The following WARS2 variants were observed in gnomAD, a reference collection of about 807,000 sequenced individuals.
WARS2 encodes the protein tryptophanyl tRNA synthetase 2, mitochondrial.
WARS2 carries 28 observed loss-of-function variants against 36.5 expected under a neutral mutation model. That is an observed-to-expected ratio of 0.77 (90% CI 0.57 to 1.05). The LOEUF (loss-of-function observed/expected upper bound fraction) is 1.05. WARS2 is among the 50% of genes least tolerant of loss of function. The pLI is 0.00. For synonymous variants in WARS2, 174 were observed against 178.4 expected (o/e 0.98, Z 0.20); for missense variants, 435 against 456.8 (o/e 0.95, Z 0.44).
chr1:119,034,632 C>T (rs1647716786), intron 4 of WARS2, among the ~76,000 whole-genome samples: 1 of 152,158 alleles, frequency 6.6e-6, no homozygotes, highest in Non-Finnish European at 1.5e-5. Context: ...CACCCCACCC[C>T]ACTCTTCAAA....
chr1:119,124,322 G>A (rs1007054914), intron 1 of WARS2, among the ~76,000 whole-genome samples: 6 of 151,988 alleles, frequency 3.9e-5, no homozygotes, highest in African/African-American at 1.5e-4. Context: ...GTGAAACCCT[G>A]TCTCTACTAA....
intron 4 of WARS2, among the ~76,000 whole-genome samples, chr1:119,035,388 T>G (rs1244581192): frequency 6.6e-6 from 1 of 152,164 alleles, no homozygotes; most frequent in African/African-American, 2.4e-5. Flanking sequence ...TTTCTAAGCC[T>G]TCGTTTCCTC....
intron 1 of WARS2, among the ~76,000 whole-genome samples, chr1:119,131,626 C>T (rs894212380): frequency 1.3e-5 from 2 of 152,026 alleles, no homozygotes; most frequent in African/African-American, 2.4e-5. Context: ...CCACGCCCGG[C>T]TAATTTGTTT....
At chr1:119,069,432 G>C (rs1651129369) in intron 2 of WARS2, among the ~76,000 whole-genome samples, 1 of 151,928 alleles carries the variant, frequency 6.6e-6, no homozygotes, top group Non-Finnish European at 1.5e-5. Flanking sequence ...CCAGTATAAA[G>C]GAAATAGCAA....
rs1553241795 is a variant in WARS2 at position 119,076,564 on chromosome 1, C to A, written c.134G>T (p.Gly45Val). Residue 45 changes from glycine to valine, a missense_variant, in exon 2 of 6, where the codon GGA becomes GTA. By Grantham distance (109) the Gly-to-Val change is moderately radical. Coordinates refer to ENST00000235521, the MANE Select transcript of WARS2 (RefSeq NM_015836.4). ...KRVFSGIQPTGILHLGNYLGA... is the reference protein window; with the variant it reads ...KRVFSGIQPTVILHLGNYLGA... ...CAGGTAATTGCCCAGGTGGAGGATTCCTGTAGGTTGAATGCCGGAAAATAC... is the reference window on the plus strand; with the variant it reads ...CAGGTAATTGCCCAGGTGGAGGATTACTGTAGGTTGAATGCCGGAAAATAC... 1 of 1,614,122 alleles carries A rather than the reference C, an allele frequency of 6.2e-7. No individual in the cohort carries two copies. Among genetic ancestry groups the A allele is most frequent in the Non-Finnish European group, 8.5e-7 (1 of 1,180,020 alleles).
intron 2 of WARS2, among the ~76,000 whole-genome samples, chr1:119,066,626 C>A (rs1322732528): frequency 6.6e-6 from 1 of 151,596 alleles, no homozygotes; most frequent in African/African-American, 2.4e-5. Flanking sequence ...GCAAACAATT[C>A]ACAAAAGAAA....
chr1:119,108,226 C>T (rs895471578), intron 1 of WARS2, among the ~76,000 whole-genome samples: 4 of 152,024 alleles, frequency 2.6e-5, no homozygotes, highest in African/African-American at 9.7e-5. Context: ...ATTCCCTCTG[C>T]TTCTATCTTC....
chr1:119,047,823 T>C (rs1222687795), intron 2 of WARS2, among the ~76,000 whole-genome samples: 1 of 152,228 alleles, frequency 6.6e-6, no homozygotes, highest in Admixed American at 6.5e-5. Flanking sequence ...AACAAAGGCA[T>C]GGACAATAAA....
intron 1 of WARS2, among the ~76,000 whole-genome samples, chr1:119,079,973 G>A (rs1391937596): frequency 6.6e-6 from 1 of 151,896 alleles, no homozygotes; most frequent in Non-Finnish European, 1.5e-5. Flanking sequence ...TGAGAATTGA[G>A]AGAGAGAGAG....
In WARS2 at chr1:119,066,199, T is replaced by C. The variant is rs548999197; in HGVS notation, c.348+10151A>G. Among the ~76,000 whole-genome samples the C allele has an allele frequency of 5.9e-4, 90 of 151,868 alleles. 1 individual carries two copies. The South Asian group carries it at 9.1e-3, about 15-fold the overall frequency. ...AAAATTAAAAGACAAGCTACAAGGCTGGGTGCGGTGGCTCACGCCTGTAAT... is the reference window on the plus strand; with the variant it reads ...AAAATTAAAAGACAAGCTACAAGGCCGGGTGCGGTGGCTCACGCCTGTAAT... On this transcript the variant is annotated intron_variant, in intron 2 of 5. Transcript: ENST00000235521.
chr1:119,109,355 T>C (rs893217513), intron 1 of WARS2, among the ~76,000 whole-genome samples: 2 of 151,972 alleles, frequency 1.3e-5, no homozygotes, highest in East Asian at 3.8e-4. Context: ...TTTTGCCTCG[T>C]GTATTTTTAC....
intron 1 of WARS2, among the ~76,000 whole-genome samples, chr1:119,137,470 A>C (rs920715219): frequency 6.6e-6 from 1 of 152,244 alleles, no homozygotes; most frequent in Non-Finnish European, 1.5e-5. Flanking sequence ...GTTCAACTGC[A>C]ATAAAATGTG....
intron 1 of WARS2, among the ~76,000 whole-genome samples, chr1:119,114,037 AC>A (rs1215223342): frequency 6.6e-6 from 1 of 152,172 alleles, no homozygotes; most frequent in African/African-American, 2.4e-5. Flanking sequence ...TTCTTTATAT[AC>A]CTTACTTAGC....
At chr1:119,058,888 A>T (rs1473338535) in intron 2 of WARS2, among the ~76,000 whole-genome samples, 1 of 149,830 alleles carries the variant, frequency 6.7e-6, no homozygotes, top group East Asian at 1.9e-4. Context: ...CGCCACACTG[A>T]CTTCCACAAT....
chr1:119,042,308 C>T lies in WARS2; in HGVS notation c.471G>A (p.Leu157=). ...TKQKHDGTVG[L]LTYPVLQAAD... Reference sequence around the variant, plus strand: ...CTGCCTGGAGTACTGGGTATGTGAGCAGGCCCACCGTGCCATCGTGCTTCT... The same window carrying T: ...CTGCCTGGAGTACTGGGTATGTGAGTAGGCCCACCGTGCCATCGTGCTTCT... Residue 157 remains leucine, a synonymous_variant, in exon 4 of 6, where the codon CTG becomes CTA. Coordinates refer to ENST00000235521, the MANE Select transcript of WARS2 (RefSeq NM_015836.4). 6.2e-7 allele frequency: 1 copy of T among 1,613,766 alleles called. No homozygotes were observed. The highest frequency in any genetic ancestry group is 8.5e-7 in the Non-Finnish European group (1 of 1,179,870).
chr1:119,055,715 GAGA>G (rs903726149), intron 2 of WARS2, among the ~76,000 whole-genome samples: 3 of 150,422 alleles, frequency 2.0e-5, no homozygotes, highest in Non-Finnish European at 4.4e-5. Context: ...AGAAGAGAGA[GAGA>G]AGGAGGAGGA....
chr1:119,138,085 C>A (rs1656640295), intron 1 of WARS2, among the ~76,000 whole-genome samples: 1 of 152,100 alleles, frequency 6.6e-6, no homozygotes, highest in Non-Finnish European at 1.5e-5. Context: ...TTTGATGGAA[C>A]CATTCATATG....
At chr1:119,130,166 T>A (rs942027658) in intron 1 of WARS2, among the ~76,000 whole-genome samples, 1 of 151,906 alleles carries the variant, frequency 6.6e-6, no homozygotes, top group Admixed American at 6.6e-5. Context: ...GCAATGTCAA[T>A]ACAATAAATG....
chr1:119,107,588 G>C lies in WARS2; in HGVS notation c.91-30981C>G, dbSNP rs587651430. 3.9e-5 allele frequency among the ~76,000 whole-genome samples: 6 copies of C among 151,934 alleles called. 1 individual carries two copies. In the South Asian group the frequency reaches 1.2e-3, roughly 32 times the overall value. On this transcript the variant is annotated intron_variant, in intron 1 of 5. Transcript: ENST00000235521. ...AATATATATACAGTCAACTGATATA[G>C]TCTCCTTCTACCTGTTTCCTATATA...
Sources: allele counts gnomAD v4.1 joint callset (sites outside exome capture counted in the v4.1 genomes callset), GRCh38; gene constraint gnomAD v4.1.1; transcripts MANE v1.5; gene names NCBI Gene and HGNC (gene_info 2026-07-23, HGNC 2026-07-21).